Variants in CSMD3 observed in about 807,000 individuals in gnomAD.
CSMD3 encodes CUB and Sushi multiple domains 3, also known as CUB and sushi domain-containing protein 3.
Under a neutral mutation model 435.2 loss-of-function variants are expected in CSMD3, and 177 were observed. The observed-to-expected ratio is 0.41, with a 90% confidence interval of 0.36 to 0.46. The LOEUF (loss-of-function observed/expected upper bound fraction) is 0.46. Among genes scored for constraint, CSMD3 ranks in the 20% least tolerant of loss-of-function variants. The probability of loss-of-function intolerance (pLI) is 0.34; values close to 1 mark genes in which losing one functional copy is unlikely to be tolerated. For missense variants in CSMD3, 4,265 were observed against 4,504.6 expected (o/e 0.95, Z 1.52); for synonymous variants, 1,656 against 1,520.5 (o/e 1.09, Z -2.07).
At chr8:113,206,190 T>G (rs890668197) in intron 3 of CSMD3, among the ~76,000 whole-genome samples, 1 of 151,782 alleles carries the variant, frequency 6.6e-6, no homozygotes, top group African/African-American at 2.4e-5. Flanking sequence ...AAATTGCACA[T>G]GTCCCCCTAT....
In CSMD3 at chr8:112,391,231, T is replaced by C. The variant is rs189711092; in HGVS notation, c.5810-443A>G. 1.7e-4 allele frequency among the ~76,000 whole-genome samples: 26 copies of C among 152,306 alleles called. No individual in the cohort carries two copies. The East Asian group carries it at 4.8e-3, about 28-fold the overall frequency. On this transcript the variant is annotated intron_variant, in intron 35 of 70. Coordinates refer to ENST00000297405, the MANE Select transcript of CSMD3 (RefSeq NM_198123.2). ...GATGATAACAATTATATTATGATCA[T>C]AACATTTATATAGAGCCTACTATAT...
intron 5 of CSMD3, among the ~76,000 whole-genome samples, chr8:113,056,694 C>T (rs1217805179): frequency 1.3e-5 from 2 of 152,152 alleles, no homozygotes; most frequent in African/African-American, 4.8e-5. Flanking sequence ...TTTTGTTTTA[C>T]TTTCTTTGTT....
At chr8:112,869,008 C>T (rs942568172) in intron 10 of CSMD3, among the ~76,000 whole-genome samples, 5 of 151,930 alleles carry the variant, frequency 3.3e-5, no homozygotes, top group African/African-American at 9.7e-5. Context: ...GAAAAATAAA[C>T]AAGTGAGTCT....
intron 22 of CSMD3, among the ~76,000 whole-genome samples, chr8:112,590,765 G>A (rs1210822578): frequency 6.6e-6 from 1 of 152,016 alleles, no homozygotes; most frequent in Non-Finnish European, 1.5e-5. Flanking sequence ...CACTGCTTCA[G>A]GGTTTAGGGG....
At chr8:112,312,795 T>C (rs574858392) in intron 49 of CSMD3, among the ~76,000 whole-genome samples, 124 of 152,278 alleles carry the variant, frequency 8.1e-4, no homozygotes, top group Non-Finnish European at 1.5e-3. Flanking sequence ...TAGTTGTAAA[T>C]TTGTATAAAT....
intron 13 of CSMD3, among the ~76,000 whole-genome samples, chr8:112,744,245 ACTT>A (rs2077378510): frequency 1.3e-5 from 2 of 152,048 alleles, no homozygotes; most frequent in African/African-American, 4.8e-5. Flanking sequence ...AAATCTAAGA[ACTT>A]CTACATCAGA....
chr8:112,436,252 C>T (rs1027243998), intron 32 of CSMD3, among the ~76,000 whole-genome samples: 1 of 151,764 alleles, frequency 6.6e-6, no homozygotes, highest in African/African-American at 2.4e-5. Context: ...ATGTGTGCAA[C>T]TAATTTCCAT....
At chr8:112,732,744 G>A (rs957518187) in intron 13 of CSMD3, among the ~76,000 whole-genome samples, 6 of 150,280 alleles carry the variant, frequency 4.0e-5, no homozygotes, top group African/African-American at 7.3e-5. Flanking sequence ...GATATTGTCC[G>A]AATAGACTTA....
chr8:113,194,987 C>A (rs564857153), intron 3 of CSMD3, among the ~76,000 whole-genome samples: 1 of 151,188 alleles, frequency 6.6e-6, no homozygotes, highest in East Asian at 1.9e-4. Context: ...TGCCCCTGAT[C>A]TCTTCCATCT....
chr8:112,491,635 C>G (rs552832378), intron 31 of CSMD3, among the ~76,000 whole-genome samples: 2 of 152,056 alleles, frequency 1.3e-5, no homozygotes, highest in Non-Finnish European at 2.9e-5. Context: ...AGCAGCAGAG[C>G]CAGACTCCAC....
chr8:112,438,447 T>C (rs1814620599), intron 32 of CSMD3, among the ~76,000 whole-genome samples: 1 of 152,210 alleles, frequency 6.6e-6, no homozygotes, highest in Non-Finnish European at 1.5e-5. Context: ...TGATGTCTCA[T>C]AATGTCCTAA....
chr8:112,583,450 T>G (rs1233303987), intron 23 of CSMD3, among the ~76,000 whole-genome samples: 1 of 152,144 alleles, frequency 6.6e-6, no homozygotes, highest in Non-Finnish European at 1.5e-5. Flanking sequence ...TTTCAAAGTT[T>G]TTTTTAATGT....
intron 4 of CSMD3, among the ~76,000 whole-genome samples, chr8:113,112,206 T>C (rs1588094336): frequency 6.6e-6 from 1 of 151,566 alleles, no homozygotes; most frequent in Non-Finnish European, 1.5e-5. Context: ...ATTTTATTGC[T>C]GAGTAATATT....
At chr8:112,904,619 T>C (rs2082203702) in intron 10 of CSMD3, among the ~76,000 whole-genome samples, 1 of 151,286 alleles carries the variant, frequency 6.6e-6, no homozygotes, top group African/African-American at 2.4e-5. Flanking sequence ...AGAAAAGATG[T>C]TATAAAGTTA....
intron 27 of CSMD3, among the ~76,000 whole-genome samples, chr8:112,541,227 TAGA>T (rs1826632142): frequency 6.6e-6 from 1 of 151,358 alleles, no homozygotes; most frequent in Non-Finnish European, 1.5e-5. Context: ...TTCAACGAAC[TAGA>T]AGAACAAAGA....
intron 38 of CSMD3, among the ~76,000 whole-genome samples, chr8:112,368,255 C>T (rs1827978707): frequency 6.6e-6 from 1 of 152,118 alleles, no homozygotes; most frequent in Admixed American, 6.6e-5. Flanking sequence ...CAAATGATCT[C>T]CACCTTCTCT....
intron 9 of CSMD3, among the ~76,000 whole-genome samples, chr8:112,941,474 C>T (rs537384374): frequency 6.6e-6 from 1 of 151,842 alleles, no homozygotes; most frequent in South Asian, 2.1e-4. Context: ...TCACAATTTT[C>T]TAAAAATGTG....
chr8:113,115,389 C>T (rs1392462736), intron 4 of CSMD3, among the ~76,000 whole-genome samples: 2 of 152,178 alleles, frequency 1.3e-5, no homozygotes, highest in Non-Finnish European at 2.9e-5. Flanking sequence ...AGCTTTGTTG[C>T]TAACACCCAA....
rs770057816 is a variant in CSMD3 at position 112,352,548 on chromosome 8, A to G, written c.6137-14T>C. 3 of 1,598,020 alleles carry G rather than the reference A, an allele frequency of 1.9e-6. No homozygotes were observed. The highest frequency in any genetic ancestry group is 3.3e-5 in the Admixed American group (2 of 60,000). On this transcript the variant is annotated splice_polypyrimidine_tract_variant and intron_variant, in intron 38 of 70. Coordinates refer to ENST00000297405, the MANE Select transcript of CSMD3 (RefSeq NM_198123.2). ...CCAAACCAATTGCTAAGAATATTTA[A>G]TGATAACAATTTAAGTAACTTTCAA...
Sources: allele counts gnomAD v4.1 joint callset (sites outside exome capture counted in the v4.1 genomes callset), GRCh38; gene constraint gnomAD v4.1.1; transcripts MANE v1.5; gene names NCBI Gene and HGNC (gene_info 2026-07-23, HGNC 2026-07-21).